Variants in PCBP3 observed in about 807,000 individuals in gnomAD.
PCBP3 encodes the protein poly(rC) binding protein 3.
PCBP3 carries 25 observed loss-of-function variants against 52.7 expected under a neutral mutation model. That is an observed-to-expected ratio of 0.47 (90% confidence interval 0.35 to 0.66). PCBP3 has a LOEUF of 0.66. Among genes scored for constraint, PCBP3 ranks in the 30% least tolerant of loss-of-function variants. The pLI, the probability that PCBP3 is intolerant of heterozygous loss-of-function variation, is 0.01. For missense variants in PCBP3, 391 were observed against 490.3 expected, an observed-to-expected ratio of 0.80 and a Z score of 1.91; for synonymous variants, 162 against 183.0, an observed-to-expected ratio of 0.89 and a Z score of 0.93.
intron 1 of PCBP3, among the ~76,000 whole-genome samples, chr21:45,665,224 A>T (rs188258223): frequency 3.8e-4 from 58 of 152,082 alleles, no homozygotes; most frequent in African/African-American, 1.3e-3. Context: ...TAACATGATG[A>T]GACCCCATAT....
intron 4 of PCBP3, among the ~76,000 whole-genome samples, chr21:45,820,313 C>G (rs868645056): frequency 6.6e-6 from 1 of 152,272 alleles, no homozygotes; most frequent in Admixed American, 6.5e-5. Flanking sequence ...GAGGTCGTTG[C>G]GCCTACCTGG....
In PCBP3 at chr21:45,898,293, G is replaced by GCACACCGTCCTCATAGCCTCCCTCTA. The variant is rs2095884884; in HGVS notation, c.166-1293_166-1292insTAGCCTCCCTCTACACACCGTCCTCA. On this transcript the variant is annotated intron_variant, in intron 6 of 17. Transcript: ENST00000681687. ...TCCTCCTCCCTCCACGGGCCCCTCT[G>GCACACCGTCCTCATAGCCTCCCTCTA]CACACCGTCCTCACAGTCTCCCTCT... is the stretch of plus-strand genomic sequence containing the variant. Among the ~76,000 whole-genome samples, 11 of 65,068 alleles carry GCACACCGTCCTCATAGCCTCCCTCTA rather than the reference G, an allele frequency of 1.7e-4. No homozygotes were observed. In the Admixed American group the frequency reaches 1.8e-3, roughly 11 times the overall value. 42.7% of individuals were successfully genotyped at this position (65,068 alleles called of 152,430 possible).
At chr21:45,823,209 C>T (rs766019695) in intron 4 of PCBP3, among the ~76,000 whole-genome samples, 2 of 152,224 alleles carry the variant, frequency 1.3e-5, no homozygotes, top group Admixed American at 6.5e-5. Flanking sequence ...TCTGCAGTCC[C>T]CATGACCCCT....
rs991489351 is a variant in PCBP3, at chr21:45,735,098, C to T, written c.-199-294C>T. On this transcript the variant is annotated intron_variant, in intron 2 of 17. Transcript: ENST00000681687. The surrounding 1 kb of genome is among the most constrained non-coding windows in gnomAD (Gnocchi z 4.0). ...ATTTGAGAATCAGCTGTGCCCCAGA[C>T]GTCAGTCAGGCCGAGGACTGTGGGT... Among the ~76,000 whole-genome samples, 3 of 152,176 alleles carry T rather than the reference C, an allele frequency of 2.0e-5. No homozygotes were observed. The highest frequency in any genetic ancestry group is 2.0e-4 in the Admixed American group (3 of 15,276).
intron 2 of PCBP3, among the ~76,000 whole-genome samples, chr21:45,692,268 G>A (rs887316538): frequency 6.6e-6 from 1 of 151,942 alleles, no homozygotes. Flanking sequence ...ATAATCTAAA[G>A]TAAGTTGAAG....
intron 1 of PCBP3, among the ~76,000 whole-genome samples, chr21:45,657,513 C>G (rs185669136): frequency 6.6e-6 from 1 of 152,282 alleles, no homozygotes; most frequent in East Asian, 1.9e-4. Context: ...CTATATGTCT[C>G]TCTCTATGCC....
rs1001267087 is a variant in PCBP3, at chr21:45,656,425, T to C, written c.-278-12449T>C. 1.3e-5 allele frequency among the ~76,000 whole-genome samples: 2 copies of C among 151,906 alleles called. No individual in the cohort carries two copies. Among genetic ancestry groups the C allele is most frequent in the Non-Finnish European group, 2.9e-5 (2 of 67,998 alleles). On this transcript the variant is annotated intron_variant, in intron 1 of 17. Transcript: ENST00000681687. This position sits in a 1 kb window ranked among gnomAD's most constrained non-coding sequence, Gnocchi z 4.3. ...ACCAAACACCGCATGTTCTCACTCA[T>C]AAGTGGGAGTTGAACAATGAGAACA...
intron 4 of PCBP3, among the ~76,000 whole-genome samples, chr21:45,776,064 AT>A (rs1354707067): frequency 6.6e-6 from 1 of 151,008 alleles, no homozygotes; most frequent in Non-Finnish European, 1.5e-5. Flanking sequence ...GATTTTTTTT[AT>A]TTTCATTTTT....
chr21:45,801,984 C>T (rs867319213), intron 4 of PCBP3, among the ~76,000 whole-genome samples: 24 of 152,170 alleles, frequency 1.6e-4, no homozygotes, highest in Non-Finnish European at 2.8e-4. Context: ...TGGAGCCGCT[C>T]GGTTGTCCTG....
intron 4 of PCBP3, among the ~76,000 whole-genome samples, chr21:45,814,957 G>T (rs2092832481): frequency 1.6e-5 from 2 of 126,996 alleles, no homozygotes; most frequent in Non-Finnish European, 1.7e-5. Flanking sequence ...TGGTGAGTGA[G>T]TGGTGAGTGG....
Position 45,821,625 on chromosome 21 carries a change from C to G in PCBP3, c.-125-28336C>G, listed in dbSNP as rs1262014992. Among the ~76,000 whole-genome samples, 1 of 151,540 alleles carries G rather than the reference C, an allele frequency of 6.6e-6. No individual in the cohort carries two copies. Among genetic ancestry groups the G allele is most frequent in the Non-Finnish European group, 1.5e-5 (1 of 67,976 alleles). On this transcript the variant is annotated intron_variant, in intron 4 of 17. Coordinates refer to ENST00000681687, the MANE Select transcript of PCBP3 (RefSeq NM_001384156.1). The surrounding 1 kb of genome is among the most constrained non-coding windows in gnomAD (Gnocchi z 4.4). ...CTCACCTGTCTCCCTGGTTCTTGTT[C>G]TGGCTTCTCCACGGGACCCTCCTGT...
At chr21:45,915,450 TATC>T (rs1236831139) in intron 12 of PCBP3, 1 of 152,226 alleles carries the variant, frequency 6.6e-6, no homozygotes, top group Non-Finnish European at 1.5e-5. Flanking sequence ...TCCATGATGA[TATC>T]ATGTGGTAAA....
intron 5 of PCBP3, among the ~76,000 whole-genome samples, chr21:45,895,774 G>A (rs1252902489): frequency 1.4e-4 from 22 of 152,230 alleles, no homozygotes; most frequent in Admixed American, 1.4e-3. Context: ...CCACACCCTG[G>A]TCAGGGGACT....
intron 5 of PCBP3, among the ~76,000 whole-genome samples, chr21:45,852,991 G>A (rs996918748): frequency 2.0e-5 from 3 of 152,248 alleles, no homozygotes; most frequent in Admixed American, 6.5e-5. Context: ...TTGTCTGAGA[G>A]ATGCAGAGTG....
intron 5 of PCBP3, among the ~76,000 whole-genome samples, chr21:45,891,532 G>A (rs2095662616): frequency 6.6e-6 from 1 of 152,190 alleles, no homozygotes; most frequent in Admixed American, 6.5e-5. Context: ...GAAAGTCCAG[G>A]AGTCTATAGT....
chr21:45,847,843 G>A (rs1440342555), intron 4 of PCBP3, among the ~76,000 whole-genome samples: 3 of 152,170 alleles, frequency 2.0e-5, no homozygotes, highest in Admixed American at 1.3e-4. Context: ...CTTTCAACTT[G>A]TCGATTATTT....
chr21:45,697,207 T>G (rs1471360372), intron 2 of PCBP3, among the ~76,000 whole-genome samples: 1 of 152,228 alleles, frequency 6.6e-6, no homozygotes, highest in Non-Finnish European at 1.5e-5. Flanking sequence ...AGAAGCTTTA[T>G]GCCTAATAGT....
chr21:45,814,892 ATGAGTGGTGAGTGAGTGG>A (rs2092824551), intron 4 of PCBP3, among the ~76,000 whole-genome samples: 1 of 78,362 alleles, frequency 1.3e-5, no homozygotes, highest in African/African-American at 5.5e-5. Flanking sequence ...GTGGTGAGTG[ATGAGTGGTGAGTGAGTGG>A]TGAGTGATGA....
At chr21:45,781,380 G>A (rs2090624804) in intron 4 of PCBP3, among the ~76,000 whole-genome samples, 3 of 152,136 alleles carry the variant, frequency 2.0e-5, no homozygotes, top group Non-Finnish European at 4.4e-5. Flanking sequence ...TTTCACAAAC[G>A]AAGACATGTG....
Sources: gnomAD v4.1 joint callset for allele counts (sites outside exome capture counted in the v4.1 genomes callset) on GRCh38, gnomAD v4.1.1 for gene constraint, Gnocchi (gnomAD v3.1) non-coding constraint, MANE v1.5 for transcripts, NCBI Gene and HGNC (gene_info 2026-07-23, HGNC 2026-07-21) for gene names.